MAGI2: variants seen among roughly 807,000 people sequenced by gnomAD.
The protein encoded by MAGI2 is membrane-associated guanylate kinase, WW and PDZ domain-containing protein 2.
MAGI2 carries 35 observed loss-of-function variants against 133.3 expected under a neutral mutation model. The observed-to-expected ratio is 0.26, with a 90% CI of 0.20 to 0.35. The LOEUF (loss-of-function observed/expected upper bound fraction) is 0.35, where lower values mean the gene tolerates loss of function less well. MAGI2 is among the 10% of genes least tolerant of loss of function. The probability of loss-of-function intolerance (pLI) is 1.00; values close to 1 mark genes in which losing one functional copy is unlikely to be tolerated. For synonymous variants in MAGI2, 729 were observed against 710.6 expected, an observed-to-expected ratio of 1.03 and a Z score of -0.41; for missense variants, 1,636 against 1,863.4, an observed-to-expected ratio of 0.88 and a Z score of 2.25.
intron 2 of MAGI2, among the ~76,000 whole-genome samples, chr7:78,711,716 A>G (rs1454427567): frequency 2.0e-5 from 3 of 152,158 alleles, no homozygotes; most frequent in Admixed American, 1.3e-4. Flanking sequence ...AGGTGGAATT[A>G]CAATCAGTCA....
intron 1 of MAGI2, among the ~76,000 whole-genome samples, chr7:79,388,172 A>C (rs1339297834): frequency 6.6e-6 from 1 of 151,962 alleles, no homozygotes; most frequent in Admixed American, 6.6e-5. Flanking sequence ...TATTAAGACC[A>C]TTCATTTTTC....
intron 2 of MAGI2, among the ~76,000 whole-genome samples, chr7:78,844,855 T>A (rs913995915): frequency 1.3e-5 from 2 of 151,940 alleles, no homozygotes; most frequent in Non-Finnish European, 1.5e-5. Context: ...CATCTATTAT[T>A]AATTTTCCAA....
intron 2 of MAGI2, among the ~76,000 whole-genome samples, chr7:78,953,440 T>C (rs796205556): frequency 5.3e-5 from 8 of 152,226 alleles, no homozygotes; most frequent in African/African-American, 1.9e-4. Flanking sequence ...TTTGTGTGTG[T>C]CTCTGTGTAT....
intron 3 of MAGI2, among the ~76,000 whole-genome samples, chr7:78,560,645 A>T (rs1458900920): frequency 2.0e-5 from 3 of 152,210 alleles, no homozygotes; most frequent in Admixed American, 2.0e-4. Context: ...GAGAGCATCA[A>T]CAATAATATA....
chr7:79,299,715 A>G (rs1169101064), intron 1 of MAGI2, among the ~76,000 whole-genome samples: 2 of 152,098 alleles, frequency 1.3e-5, no homozygotes, highest in Non-Finnish European at 2.9e-5. Context: ...TCATTTGGAT[A>G]TTTGTTCCCA....
intron 1 of MAGI2, among the ~76,000 whole-genome samples, chr7:79,243,263 C>T (rs1389543512): frequency 6.6e-6 from 1 of 152,090 alleles, no homozygotes; most frequent in Non-Finnish European, 1.5e-5. Context: ...ACATAAGAAC[C>T]AAGAGAGCAA....
At chr7:79,288,634 C>T (rs186040247) in intron 1 of MAGI2, among the ~76,000 whole-genome samples, 35 of 152,022 alleles carry the variant, frequency 2.3e-4, no homozygotes, top group African/African-American at 7.5e-4. Flanking sequence ...GGTAACTATC[C>T]GTAAGATTTA....
chr7:78,773,281 A>G (rs944814438), intron 2 of MAGI2, among the ~76,000 whole-genome samples: 5 of 152,194 alleles, frequency 3.3e-5, no homozygotes. Flanking sequence ...CAGAAAGATC[A>G]TGACTTAAAG....
intron 1 of MAGI2, chr7:79,176,887 T>G (rs528675009): frequency 1.3e-5 from 2 of 149,954 alleles, no homozygotes; most frequent in African/African-American, 4.9e-5. Flanking sequence ...ATAGTTGATC[T>G]GATCCATGTG....
intron 1 of MAGI2, chr7:79,139,761 G>A (rs1447588806): frequency 6.6e-6 from 1 of 152,152 alleles, no homozygotes; most frequent in Non-Finnish European, 1.5e-5. Flanking sequence ...TTCAAAGGCT[G>A]TTTCCACAGC....
chr7:78,455,668 G>C (rs1789233113), intron 6 of MAGI2, among the ~76,000 whole-genome samples: 1 of 152,030 alleles, frequency 6.6e-6, no homozygotes, highest in African/African-American at 2.4e-5. Context: ...GCTATTGTTA[G>C]TATTTTCCTG....
chr7:78,527,340 G>A (rs1797066275), intron 3 of MAGI2, among the ~76,000 whole-genome samples: 1 of 152,074 alleles, frequency 6.6e-6, no homozygotes, highest in African/African-American at 2.4e-5. Context: ...TTATTCTTCT[G>A]CTTTCTCTGT....
At chr7:78,770,655 G>A (rs890118409) in intron 2 of MAGI2, among the ~76,000 whole-genome samples, 2 of 152,152 alleles carry the variant, frequency 1.3e-5, no homozygotes, top group African/African-American at 4.8e-5. Context: ...TTAAACAAAA[G>A]CTCCGCAAAC....
chr7:78,108,899 A>C (rs1163653754), intron 20 of MAGI2, among the ~76,000 whole-genome samples: 1 of 152,106 alleles, frequency 6.6e-6, no homozygotes, highest in African/African-American at 2.4e-5. Flanking sequence ...ATATATTATC[A>C]ATATATACAT....
intron 1 of MAGI2, among the ~76,000 whole-genome samples, chr7:79,078,390 A>G (rs759513150): frequency 7.9e-5 from 12 of 152,284 alleles, no homozygotes; most frequent in Admixed American, 5.9e-4. Context: ...GCTAGCTTTC[A>G]TAACAGCTAC....
At position 78,017,638 on chromosome 7, in the gene MAGI2, T is replaced by C. The variant is rs1470191223; in HGVS notation, c.*1677A>G. 4.6e-5 allele frequency: 7 copies of C among 152,658 alleles called. No homozygotes were observed. The highest frequency in any genetic ancestry group is 1.9e-4 in the East Asian group (1 of 5,204). The allele number at this position is 152,658 out of a possible 1,614,324, so 9.5% of individuals were successfully genotyped here. A position where few individuals can be genotyped will look rare whatever the true frequency, so the allele number is the denominator to read the frequency against. ...GATGAATGGGTTTCATTTTTGGAAA[T>C]TGCTTTTACAAGCTGCAAGATCCTT... On this transcript the variant is annotated 3_prime_UTR_variant, in exon 22 of 22. Coordinates refer to ENST00000354212, the MANE Select transcript of MAGI2 (RefSeq NM_012301.4).
At chr7:79,138,135 T>C (rs1348314196) in intron 1 of MAGI2, among the ~76,000 whole-genome samples, 2 of 152,236 alleles carry the variant, frequency 1.3e-5, no homozygotes, top group Non-Finnish European at 2.9e-5. Context: ...TTAGCCCATA[T>C]GACTCATTTC....
chr7:78,652,193 T>G (rs1326847471), intron 2 of MAGI2, among the ~76,000 whole-genome samples: 1 of 152,166 alleles, frequency 6.6e-6, no homozygotes, highest in Non-Finnish European at 1.5e-5. Context: ...TTTACATATG[T>G]GAATTTCCGT....
At chr7:78,750,125 T>C (rs1823309919) in intron 2 of MAGI2, among the ~76,000 whole-genome samples, 1 of 152,200 alleles carries the variant, frequency 6.6e-6, no homozygotes, top group Non-Finnish European at 1.5e-5. Flanking sequence ...AATGAGAATA[T>C]GCAGTGTTTG....
Sources: allele counts gnomAD v4.1 joint callset (sites outside exome capture counted in the v4.1 genomes callset), GRCh38; gene constraint gnomAD v4.1.1; transcripts MANE v1.5; gene names NCBI Gene and HGNC (gene_info 2026-07-23, HGNC 2026-07-21).